The following IFT172 variants were observed in gnomAD, a reference collection of about 807,000 sequenced individuals.
IFT172 encodes the protein intraflagellar transport 172.
A neutral mutation model predicts 248.9 loss-of-function variants in IFT172; 164 were observed. The observed-to-expected ratio is 0.66, with a 90% confidence interval of 0.58 to 0.75. The LOEUF (loss-of-function observed/expected upper bound fraction) is 0.75. Among genes scored for constraint, IFT172 ranks in the 30% least tolerant of loss-of-function variants. The pLI is 0.00. For synonymous variants in IFT172, 729 were observed against 791.6 expected, an observed-to-expected ratio of 0.92 and a Z score of 1.33; for missense variants, 1,950 against 2,192.4, an observed-to-expected ratio of 0.89 and a Z score of 2.21.
rs995465374 is a variant in IFT172 at position 27,449,274 on chromosome 2, G to T, written c.4311+20C>A. ...AAGGGAAAATGTAAAGAAAAACTGG[G>T]AATGGGAAGAGAGCAGTACCTGCTT... On this transcript the variant is annotated intron_variant, in intron 39 of 47. Transcript: ENST00000260570. 1 of 1,613,616 alleles carries T rather than the reference G, an allele frequency of 6.2e-7. No homozygotes were observed. The highest frequency in any genetic ancestry group is 1.7e-5 in the Admixed American group (1 of 59,982).
At position 27,462,762 on chromosome 2, in the gene IFT172, C is replaced by A. The variant is rs561676433; in HGVS notation, c.2054G>T (p.Arg685Leu). 26 of 1,613,920 alleles carry A rather than the reference C, an allele frequency of 1.6e-5. No homozygotes were observed. The highest frequency in any genetic ancestry group is 2.1e-5 in the Non-Finnish European group (25 of 1,179,990). ...CTTTTCCAGCATGGCTAGACGTGCT[C>A]GGACCTGATAAAAGTCTGTTCCTTC... Reference protein sequence around the residue: ...GGEGTDFYQVRARLAMLEKNY... With the variant: ...GGEGTDFYQVLARLAMLEKNY... Residue 685 changes from arginine to leucine, a missense_variant, in exon 20 of 48, where the codon CGA becomes CTA. Arg to Leu is a moderately radical substitution (Grantham distance 102, BLOSUM62 -2). Transcript: ENST00000260570.
chr2:27,485,712 T>C (rs1466994525), intron 1 of IFT172, among the ~76,000 whole-genome samples: 2 of 152,234 alleles, frequency 1.3e-5, no homozygotes, highest in African/African-American at 2.4e-5. Flanking sequence ...GAGACTCATA[T>C]GCAAATGCAC....
chr2:27,485,558 G>C (rs1259677481), intron 1 of IFT172, 55 bp from the exon 2 acceptor site: 2 of 1,593,634 alleles, frequency 1.3e-6, no homozygotes, highest in African/African-American at 1.3e-5. Flanking sequence ...AATGCCAAAA[G>C]CATTTCTAGC....
Position 27,449,023 on chromosome 2 carries a change from C to A in IFT172, c.4320G>T (p.Lys1440Asn), listed in dbSNP as rs1177576131. ...ACAAAGCCACATACTTGTGCAGAAT[C>A]TTGTAGTTCTGTACAGGGGTGGAGG... ...CIETATKQNY[K>N]ILHKYVALYA... The change falls in exon 40 of 48, where the codon AAG becomes AAT. Residue 1440 changes from lysine to asparagine, a missense_variant. Lys to Asn is a moderately conservative substitution (Grantham distance 94, BLOSUM62 0). Transcript: ENST00000260570. The A allele has an allele frequency of 6.3e-7, 1 of 1,580,876 alleles. No individual in the cohort carries two copies. The highest frequency in any genetic ancestry group is 8.7e-7 in the Non-Finnish European group (1 of 1,149,832).
chr2:27,467,418 G>GAA lies in IFT172; in HGVS notation c.1693-1538_1693-1537dup, dbSNP rs34115935. Among the ~76,000 whole-genome samples the GAA allele has an allele frequency of 8.5e-4, 14 of 16,426 alleles. 3 individuals carry two copies. The East Asian group carries it at 9.5e-3, about 11-fold the overall frequency. 10.8% of individuals were successfully genotyped at this position (16,426 alleles called of 152,430 possible). ...TGAGAACTTGTCTTTACAGAAAATTGAAAAAAAAAAAAAAAAAAAAAAAAA... is the reference window on the plus strand; with the variant it reads ...TGAGAACTTGTCTTTACAGAAAATTGAAAAAAAAAAAAAAAAAAAAAAAAAAA... On this transcript the variant is annotated intron_variant, in intron 16 of 47. Transcript: ENST00000260570.
At chr2:27,464,331 A>T (rs747131013) in intron 18 of IFT172, among the ~76,000 whole-genome samples, 1 of 152,214 alleles carries the variant, frequency 6.6e-6, no homozygotes, top group Non-Finnish European at 1.5e-5. Context: ...CTTTATCATC[A>T]TATGAGGCAA....
chr2:27,453,447 C>T lies in IFT172; in HGVS notation c.3888G>A (p.Val1296=). Residue 1296 remains valine, a synonymous_variant, in exon 35 of 48, where the codon GTG becomes GTA. Transcript: ENST00000260570. The part of the protein sequence containing the change: ...WEQAGEYSRA[V]DCYLKVRDSG... ...AGTCTCGCACTTTGAGGTAGCAGTC[C>T]ACGGCACGGCTGTACTCTCCAGCCT... 3 of 1,614,174 alleles carry T rather than the reference C, an allele frequency of 1.9e-6. No individual in the cohort carries two copies. The highest frequency in any genetic ancestry group is 2.5e-6 in the Non-Finnish European group (3 of 1,180,030).
chr2:27,447,686 G>A, intron 41 of IFT172, 52 bp from the exon 42 acceptor site: 1 of 1,613,314 alleles, frequency 6.2e-7, no homozygotes, highest in Non-Finnish European at 8.5e-7. Context: ...GAGTGCCAGG[G>A]CCATAGAGTG....
At chr2:27,480,278 G>T in intron 8 of IFT172, 129 bp from the exon 9 acceptor site, 1 of 1,345,690 alleles carries the variant, frequency 7.4e-7, no homozygotes, top group Non-Finnish European at 9.7e-7. Flanking sequence ...AGACAAGCTA[G>T]GCAGTCTAGC....
intron 7 of IFT172, among the ~76,000 whole-genome samples, chr2:27,482,605 C>A (rs1668469679): frequency 6.6e-6 from 1 of 152,202 alleles, no homozygotes; most frequent in Non-Finnish European, 1.5e-5. Flanking sequence ...ATTCAAACAA[C>A]ACACAATTAT....
At chr2:27,448,668 C>G (rs1274847347) in intron 40 of IFT172, among the ~76,000 whole-genome samples, 1 of 152,170 alleles carries the variant, frequency 6.6e-6, no homozygotes, top group Non-Finnish European at 1.5e-5. Context: ...TATTTGCTAA[C>G]AGCATGGGGA....
rs760084772 is a variant in IFT172 at position 27,476,694 on chromosome 2, G to C, written c.1358C>G (p.Thr453Arg). ...VRINERCQRGTEDNKKLAYLI... is the reference protein window; with the variant it reads ...VRINERCQRGREDNKKLAYLI... Reference sequence around the variant, plus strand: ...ATAAGCCAATTTCTTATTATCTTCTGTTCCTCGCTGACACCTCTCATTAAT... The same window carrying C: ...ATAAGCCAATTTCTTATTATCTTCTCTTCCTCGCTGACACCTCTCATTAAT... Residue 453 changes from threonine (T) to arginine (R), a missense_variant, in exon 14 of 48, where the codon ACA becomes AGA. Physicochemically the swap from Thr to Arg is moderately conservative, Grantham distance 71. This residue lies in a region of IFT172 where 1,166 missense variants were observed against 1,254.1 expected (regional missense o/e 0.93). Transcript: ENST00000260570. 1 of 1,612,620 alleles carries C rather than the reference G, an allele frequency of 6.2e-7. No homozygotes were observed.
chr2:27,461,015 C>T lies in IFT172; in HGVS notation c.2521G>A (p.Ala841Thr), dbSNP rs1241730843. 19 of 1,614,016 alleles carry T rather than the reference C, an allele frequency of 1.2e-5. No homozygotes were observed. The highest frequency in any genetic ancestry group is 1.4e-5 in the Non-Finnish European group (17 of 1,180,030). The stretch of plus-strand genomic sequence containing the variant: ...AGGATGGCTTATAGGTGGCTAGTAC[C>T]TTTCATGAATGCGTTGCCTTTACGG... ...CYRKGNAFMK[A>T]VELARLAFPV... Residue 841 changes from alanine to threonine, a missense_variant and splice_region_variant, in exon 23 of 48, where the codon GCG becomes ACG. Around this residue, in one of 3 missense-constraint regions of IFT172, gnomAD observed 1,166 missense variants for 1,254.1 expected, o/e 0.93. Coordinates refer to ENST00000260570, the MANE Select transcript of IFT172 (RefSeq NM_015662.3).
intron 18 of IFT172, 33 bp downstream of exon 18, chr2:27,465,378 G>A: frequency 6.4e-7 from 1 of 1,555,876 alleles, no homozygotes; most frequent in Non-Finnish European, 8.9e-7. Flanking sequence ...CCTCCTAGCT[G>A]CGTGGCACCT....
In IFT172 at chr2:27,480,092, C is replaced by G; in HGVS notation, c.843G>C (p.Lys281Asn). 6.2e-7 allele frequency: 1 copy of G among 1,614,076 alleles called. No homozygotes were observed. The highest frequency in any genetic ancestry group is 8.5e-7 in the Non-Finnish European group (1 of 1,179,948). Residue 281 changes from lysine (K) to asparagine (N), a missense_variant, in exon 9 of 48, where the codon AAG (lysine) becomes AAC (asparagine). Lys to Asn is a moderately conservative substitution (Grantham distance 94). Around this residue, in one of 3 missense-constraint regions of IFT172, gnomAD observed 1,166 missense variants for 1,254.1 expected, o/e 0.93. Transcript: ENST00000260570. Reference sequence around the variant, plus strand: ...TGATGGTGTATAAATTGGTAATCTCCTTGGGCTTTGCCTCTTCCCAGATGC... The same window carrying G: ...TGATGGTGTATAAATTGGTAATCTCGTTGGGCTTTGCCTCTTCCCAGATGC... The part of the protein sequence containing the change: ...RRSIWEEAKP[K>N]EITNLYTITA...
At chr2:27,477,383 T>C (rs1052719205) in intron 12 of IFT172, 63 bp from the exon 13 acceptor site, 4 of 1,413,192 alleles carry the variant, frequency 2.8e-6, no homozygotes, top group Admixed American at 1.7e-5. Context: ...TAGTGGGAGG[T>C]GTACTGTCAG....
rs372020267 is a variant in IFT172, at chr2:27,444,573, A to G, written c.5161-52T>C. On this transcript the variant is annotated intron_variant, in intron 47 of 47. Coordinates refer to ENST00000260570, the MANE Select transcript of IFT172 (RefSeq NM_015662.3). ...GGAACTTGTTAATGCTGGAAATACA[A>G]AATCAGCTCCATCGCAGGCTTCAGG... 23 of 1,427,276 alleles carry G rather than the reference A, an allele frequency of 1.6e-5. No individual in the cohort carries two copies. In the East Asian group the frequency reaches 2.5e-4, roughly 16 times the overall value. The allele number at this position is 1,427,276 out of a possible 1,614,324, so 88.4% of individuals were successfully genotyped here.
intron 30 of IFT172, chr2:27,455,240 C>A: frequency 2.8e-6 from 1 of 356,562 alleles, no homozygotes; most frequent in Non-Finnish European, 5.3e-6. Flanking sequence ...CCTTATTAGG[C>A]TGTGCTCCAA....
chr2:27,446,492 G>GC, intron 42 of IFT172, 137 bp from the exon 43 acceptor site: 1 of 694,840 alleles, frequency 1.4e-6, no homozygotes, highest in East Asian at 2.8e-5. Context: ...GCTGTTCTGG[G>GC]TCTTAGTTTT....
Sources: allele counts gnomAD v4.1 joint callset (sites outside exome capture counted in the v4.1 genomes callset), GRCh38; gene constraint gnomAD v4.1.1; regional missense constraint gnomAD v4.1.1; transcripts MANE v1.5; gene names NCBI Gene and HGNC (gene_info 2026-07-23, HGNC 2026-07-21).